The following KIAA1328 variants were observed in gnomAD, a reference collection of about 807,000 sequenced individuals.
The protein encoded by KIAA1328 is protein hinderin.
A neutral mutation model predicts 68.1 loss-of-function variants in KIAA1328; 52 were observed. The ratio of observed to expected loss-of-function variants is 0.76; its 90% CI spans 0.61 to 0.96. The LOEUF (loss-of-function observed/expected upper bound fraction) is 0.96, where lower values mean the gene tolerates loss of function less well. KIAA1328 is among the 40% of genes least tolerant of loss of function. The pLI is 0.00. For missense variants in KIAA1328, 641 were observed against 677.6 expected (o/e 0.95, Z 0.60); for synonymous variants, 232 against 239.4 (o/e 0.97, Z 0.28).
intron 6 of KIAA1328, among the ~76,000 whole-genome samples, chr18:36,961,551 A>G (rs2051673674): frequency 6.6e-6 from 1 of 152,208 alleles, no homozygotes; most frequent in Non-Finnish European, 1.5e-5. Context: ...AAAAAATGTT[A>G]AGGGCAGCCA....
rs538511124 is a variant in KIAA1328, at chr18:36,901,179, C to T, written c.448+15507C>T. Reference sequence around the variant, plus strand: ...CCACAGTGTTAGTTCTTAAAGTATTCTCTATATTTTTGTTTCTTTAGTCAC... The same window carrying T: ...CCACAGTGTTAGTTCTTAAAGTATTTTCTATATTTTTGTTTCTTTAGTCAC... On this transcript the variant is annotated intron_variant, in intron 5 of 9. Coordinates refer to ENST00000280020, the MANE Select transcript of KIAA1328 (RefSeq NM_020776.3). 2.0e-5 allele frequency among the ~76,000 whole-genome samples: 3 copies of T among 152,010 alleles called. No homozygotes were observed. In the South Asian group the frequency reaches 6.2e-4, roughly 32 times the overall value.
At chr18:37,057,321 A>G (rs2055951463) in intron 6 of KIAA1328, among the ~76,000 whole-genome samples, 1 of 152,144 alleles carries the variant, frequency 6.6e-6, no homozygotes, top group Admixed American at 6.5e-5. Flanking sequence ...CTCATGAGCT[A>G]AGAATGATTT....
chr18:37,079,905 T>G (rs1395152127), intron 7 of KIAA1328, among the ~76,000 whole-genome samples: 1 of 150,554 alleles, frequency 6.6e-6, no homozygotes, highest in Non-Finnish European at 1.5e-5. Flanking sequence ...AAAAAAACAG[T>G]TCAATAAGTC....
intron 8 of KIAA1328, among the ~76,000 whole-genome samples, chr18:37,163,114 T>C (rs1389191066): frequency 1.3e-5 from 2 of 152,182 alleles, no homozygotes; most frequent in Non-Finnish European, 2.9e-5. Context: ...TCCTCTTTTT[T>C]CCTCCCTTGT....
At chr18:36,921,472 C>T (rs1374545428) in intron 5 of KIAA1328, among the ~76,000 whole-genome samples, 4 of 151,910 alleles carry the variant, frequency 2.6e-5, no homozygotes, top group East Asian at 1.9e-4. Flanking sequence ...GGCGTCATAT[C>T]GGCTCACTGT....
intron 6 of KIAA1328, among the ~76,000 whole-genome samples, chr18:36,973,443 T>C (rs895343853): frequency 6.6e-6 from 1 of 152,092 alleles, no homozygotes; most frequent in Non-Finnish European, 1.5e-5. Context: ...CTACACGTTG[T>C]GCACATGTAC....
chr18:37,068,275 A>G (rs1164066133), intron 7 of KIAA1328, among the ~76,000 whole-genome samples: 1 of 152,198 alleles, frequency 6.6e-6, no homozygotes, highest in Non-Finnish European at 1.5e-5. Flanking sequence ...TACCCACCAT[A>G]ATATAAAATA....
At chr18:37,146,730 A>G (rs565200751) in intron 7 of KIAA1328, among the ~76,000 whole-genome samples, 8 of 152,288 alleles carry the variant, frequency 5.3e-5, no homozygotes, top group African/African-American at 1.9e-4. Flanking sequence ...ATGTGTCCCT[A>G]ACTTACTACA....
intron 6 of KIAA1328, among the ~76,000 whole-genome samples, chr18:37,034,469 A>G (rs1253851601): frequency 6.6e-6 from 1 of 152,184 alleles, no homozygotes; most frequent in Non-Finnish European, 1.5e-5. Context: ...ATTTTCTGAA[A>G]TATTGGCTCT....
At chr18:36,850,073 G>A (rs1043576747) in intron 4 of KIAA1328, among the ~76,000 whole-genome samples, 1 of 151,760 alleles carries the variant, frequency 6.6e-6, no homozygotes, top group African/African-American at 2.4e-5. Context: ...TATTATAACT[G>A]GATTTTTAGA....
At chr18:37,009,924 TGA>T (rs527632625) in intron 6 of KIAA1328, among the ~76,000 whole-genome samples, 113 of 152,284 alleles carry the variant, frequency 7.4e-4, no homozygotes, top group African/African-American at 2.6e-3. Flanking sequence ...CGTAATTATC[TGA>T]GAGTATTTAT....
chr18:36,936,184 C>T (rs2050492485), intron 5 of KIAA1328, among the ~76,000 whole-genome samples: 1 of 151,006 alleles, frequency 6.6e-6, no homozygotes, highest in Admixed American at 6.6e-5. Context: ...AAATGGGATT[C>T]TTGTCCAGAA....
At chr18:37,080,255 T>C (rs1053781979) in intron 7 of KIAA1328, among the ~76,000 whole-genome samples, 2 of 152,206 alleles carry the variant, frequency 1.3e-5, no homozygotes, top group Admixed American at 1.3e-4. Context: ...TCTCATCTTG[T>C]GTGTTGAGTT....
intron 7 of KIAA1328, among the ~76,000 whole-genome samples, chr18:37,141,465 G>A (rs901521147): frequency 6.6e-6 from 1 of 152,102 alleles, no homozygotes. Context: ...CATTGTATAA[G>A]TATATTACAA....
At chr18:37,159,466 G>A (rs1056474327) in intron 7 of KIAA1328, among the ~76,000 whole-genome samples, 4 of 152,158 alleles carry the variant, frequency 2.6e-5, no homozygotes, top group African/African-American at 9.7e-5. Context: ...CAAAACCAAA[G>A]TGTCATGAGT....
intron 7 of KIAA1328, among the ~76,000 whole-genome samples, chr18:37,140,571 A>AG (rs1325858225): frequency 1.3e-5 from 2 of 152,162 alleles, no homozygotes; most frequent in African/African-American, 4.8e-5. Context: ...ACCCTAAATC[A>AG]GGGCTACTCA....
At chr18:37,114,660 A>G (rs999395557) in intron 7 of KIAA1328, among the ~76,000 whole-genome samples, 7 of 152,364 alleles carry the variant, frequency 4.6e-5, no homozygotes, top group Middle Eastern at 3.4e-3. Context: ...AACTAAGATC[A>G]GAGCAGAACT....
chr18:36,950,192 G>A (rs987204497), intron 5 of KIAA1328, among the ~76,000 whole-genome samples: 1 of 152,098 alleles, frequency 6.6e-6, no homozygotes, highest in African/African-American at 2.4e-5. Flanking sequence ...TGATTGTAAG[G>A]TGAGGAATTT....
At chr18:37,105,004 C>CT (rs1208991668) in intron 7 of KIAA1328, among the ~76,000 whole-genome samples, 1 of 152,162 alleles carries the variant, frequency 6.6e-6, no homozygotes, top group African/African-American at 2.4e-5. Flanking sequence ...TCTGACTTCT[C>CT]TTTAATTCTT....
Sources: gnomAD v4.1 joint callset for allele counts (sites outside exome capture counted in the v4.1 genomes callset) on GRCh38, gnomAD v4.1.1 for gene constraint, MANE v1.5 for transcripts, NCBI Gene and HGNC (gene_info 2026-07-23, HGNC 2026-07-21) for gene names.